Variants in SHISA6 observed in about 807,000 individuals in gnomAD.
SHISA6 encodes protein shisa-6.
A neutral mutation model predicts 47.9 loss-of-function variants in SHISA6; 22 were observed. That is an observed-to-expected ratio of 0.46 (90% CI 0.33 to 0.66). The LOEUF is 0.66. Among genes scored for constraint, SHISA6 ranks in the 30% least tolerant of loss-of-function variants. The probability of loss-of-function intolerance (pLI) is 0.02; values close to 1 mark genes in which losing one functional copy is unlikely to be tolerated. For synonymous variants in SHISA6, 388 were observed against 337.8 expected (o/e 1.15, Z -1.63); for missense variants, 680 against 764.6 (o/e 0.89, Z 1.30).
chr17:11,427,651 C>G (rs1914643744), intron 3 of SHISA6, among the ~76,000 whole-genome samples: 1 of 152,144 alleles, frequency 6.6e-6, no homozygotes, highest in African/African-American at 2.4e-5. Flanking sequence ...CTCTGCACAA[C>G]TTGCCTCTCA....
chr17:11,289,610 A>T (rs1293737902), intron 2 of SHISA6: 3 of 142,752 alleles, frequency 2.1e-5, no homozygotes, highest in Non-Finnish European at 3.0e-5. Flanking sequence ...ATACACACAC[A>T]CACAATATTT....
chr17:11,246,695 C>T (rs1475635589), intron 1 of SHISA6, among the ~76,000 whole-genome samples: 1 of 152,182 alleles, frequency 6.6e-6, no homozygotes, highest in Non-Finnish European at 1.5e-5. Context: ...TCATGTGCCA[C>T]AGGCTTGGTT....
chr17:11,534,944 A>G (rs1174387624), intron 3 of SHISA6, among the ~76,000 whole-genome samples: 4 of 152,072 alleles, frequency 2.6e-5, no homozygotes, highest in African/African-American at 9.7e-5. Context: ...CCTGGCCAAC[A>G]TGGTGAAACC....
chr17:11,437,151 A>G (rs1261699558), intron 3 of SHISA6, among the ~76,000 whole-genome samples: 1 of 152,198 alleles, frequency 6.6e-6, no homozygotes, highest in African/African-American at 2.4e-5. Context: ...TTGTTGCTGT[A>G]GACAACAGGG....
chr17:11,471,108 C>T (rs1409547093), intron 3 of SHISA6, among the ~76,000 whole-genome samples: 1 of 150,706 alleles, frequency 6.6e-6, no homozygotes, highest in East Asian at 2.0e-4. Flanking sequence ...ACTCGGGAGG[C>T]TGAAGCAGGA....
intron 3 of SHISA6, among the ~76,000 whole-genome samples, chr17:11,412,649 C>G (rs1335701702): frequency 6.6e-6 from 1 of 152,004 alleles, no homozygotes; most frequent in Admixed American, 6.6e-5. Context: ...TCACGCCATT[C>G]TCCTGCCTCA....
chr17:11,346,090 A>G (rs972971369), intron 2 of SHISA6, among the ~76,000 whole-genome samples: 5 of 152,102 alleles, frequency 3.3e-5, no homozygotes, highest in Non-Finnish European at 7.4e-5. Flanking sequence ...TGGATTTTTC[A>G]TAGATGCTCT....
intron 3 of SHISA6, among the ~76,000 whole-genome samples, chr17:11,398,502 T>G (rs1913651524): frequency 6.6e-6 from 1 of 152,186 alleles, no homozygotes; most frequent in Non-Finnish European, 1.5e-5. Flanking sequence ...TTGCATGTAA[T>G]CAATACTCTG....
intron 2 of SHISA6, among the ~76,000 whole-genome samples, chr17:11,306,484 G>T (rs554498018): frequency 2.6e-5 from 4 of 152,192 alleles, no homozygotes; most frequent in Non-Finnish European, 5.9e-5. Flanking sequence ...CGCTCTCTGG[G>T]AAGCATGCCC....
At chr17:11,400,412 T>C (rs1411796358) in intron 3 of SHISA6, among the ~76,000 whole-genome samples, 1 of 152,216 alleles carries the variant, frequency 6.6e-6, no homozygotes, top group Non-Finnish European at 1.5e-5. Context: ...AACTTCTGCT[T>C]CATTCTTTTG....
chr17:11,319,816 T>C (rs145365063), intron 2 of SHISA6, among the ~76,000 whole-genome samples: 1 of 152,272 alleles, frequency 6.6e-6, no homozygotes, highest in Non-Finnish European at 1.5e-5. Flanking sequence ...TGAATAGGTT[T>C]CTGTTCTTTT....
intron 3 of SHISA6, among the ~76,000 whole-genome samples, chr17:11,449,818 C>A (rs1444939982): frequency 1.3e-5 from 2 of 152,212 alleles, no homozygotes; most frequent in African/African-American, 4.8e-5. Context: ...CTCGTTCTTC[C>A]TTGGCGATAG....
intron 2 of SHISA6, among the ~76,000 whole-genome samples, chr17:11,340,055 C>T (rs1451260895): frequency 2.6e-5 from 4 of 152,176 alleles, no homozygotes; most frequent in Non-Finnish European, 5.9e-5. Flanking sequence ...AACTGGCTAC[C>T]TGTTTTTTGC....
At chr17:11,476,408 G>A (rs1916051846) in intron 3 of SHISA6, among the ~76,000 whole-genome samples, 3 of 151,970 alleles carry the variant, frequency 2.0e-5, no homozygotes, top group Non-Finnish European at 2.9e-5. Context: ...TTGAATATAT[G>A]CATTCAATGC....
intron 3 of SHISA6, among the ~76,000 whole-genome samples, chr17:11,543,297 G>GA (rs1363146216): frequency 6.6e-6 from 1 of 152,094 alleles, no homozygotes; most frequent in Non-Finnish European, 1.5e-5. Context: ...ACAATGATAA[G>GA]ACAAAGGAGG....
chr17:11,540,025 C>G (rs922891296), intron 3 of SHISA6, among the ~76,000 whole-genome samples: 1 of 152,198 alleles, frequency 6.6e-6, no homozygotes, highest in African/African-American at 2.4e-5. Flanking sequence ...ATTCGGTGTA[C>G]GTCATGAATT....
Position 11,558,658 on chromosome 17 carries a change from GCA to G in SHISA6, c.*355_*356del. 1 of 343,116 alleles carries G rather than the reference GCA, an allele frequency of 2.9e-6. No homozygotes were observed. The allele number at this position is 343,116 out of a possible 1,614,324, so 21.3% of individuals were successfully genotyped here. ...GGGGACTCAGCTGCAGGTTCTGTCA[GCA>G]GAGAGACCCTTGCTTGACTGTGGTC... On this transcript the variant is annotated 3_prime_UTR_variant, in exon 6 of 6. Transcript: ENST00000441885.
chr17:11,347,068 C>A (rs1365060108), intron 2 of SHISA6, among the ~76,000 whole-genome samples: 2 of 151,674 alleles, frequency 1.3e-5, no homozygotes, highest in African/African-American at 4.8e-5. Context: ...GATGAACATA[C>A]AGAGTTTGGA....
chr17:11,328,969 T>G (rs1911008226), intron 2 of SHISA6, among the ~76,000 whole-genome samples: 1 of 152,202 alleles, frequency 6.6e-6, no homozygotes. Flanking sequence ...CTGCTGCTAA[T>G]AACGATGGTG....
Sources: gnomAD v4.1 joint callset for allele counts (sites outside exome capture counted in the v4.1 genomes callset) on GRCh38, gnomAD v4.1.1 for gene constraint, MANE v1.5 for transcripts, NCBI Gene and HGNC (gene_info 2026-07-23, HGNC 2026-07-21) for gene names.